CACNA1E: variants seen among roughly 807,000 people sequenced by gnomAD.
CACNA1E encodes calcium voltage-gated channel subunit alpha1 E.
A neutral mutation model predicts 259.2 loss-of-function variants in CACNA1E; 40 were observed. That is an observed-to-expected ratio of 0.15 (90% confidence interval 0.12 to 0.20). The LOEUF (loss-of-function observed/expected upper bound fraction) is 0.20, where lower values mean the gene tolerates loss of function less well. Ranked by LOEUF, CACNA1E falls within the 10% of genes least tolerant of loss-of-function variation. The pLI is 1.00. For missense variants in CACNA1E, 1,874 were observed against 3,040.1 expected (o/e 0.62, Z 9.02); for synonymous variants, 1,104 against 1,138.5 (o/e 0.97, Z 0.61).
chr1:181,322,719 T>G (rs1347619370), intron 1 of CACNA1E, among the ~76,000 whole-genome samples: 1 of 152,226 alleles, frequency 6.6e-6, no homozygotes, highest in African/African-American at 2.4e-5. Flanking sequence ...GTTCATGTGT[T>G]ATTGCTGTGG....
At position 181,794,829 on chromosome 1, in the gene CACNA1E, A is replaced by G. The variant is rs751328207; in HGVS notation, c.6028-35A>G. 6 of 1,583,254 alleles carry G rather than the reference A, an allele frequency of 3.8e-6. No individual in the cohort carries two copies. The South Asian group carries it at 6.9e-5, about 18-fold the overall frequency. ...TTTAGATCTTTTCAATCGTTAATCC[A>G]TACCTTGTGTTTCTCTGGGGGCTTG... On this transcript the variant is annotated intron_variant, in intron 45 of 47. Coordinates refer to ENST00000367573, the MANE Select transcript of CACNA1E (RefSeq NM_001205293.3).
intron 1 of CACNA1E, among the ~76,000 whole-genome samples, chr1:181,493,531 G>A (rs1664493894): frequency 6.6e-6 from 1 of 152,060 alleles, no homozygotes; most frequent in Admixed American, 6.5e-5. Flanking sequence ...GCTTCCATTT[G>A]TTCTTTCCCT....
intron 1 of CACNA1E, among the ~76,000 whole-genome samples, chr1:181,492,023 A>G (rs1181678785): frequency 6.6e-6 from 1 of 152,146 alleles, no homozygotes; most frequent in Non-Finnish European, 1.5e-5. Context: ...GGATCATCAC[A>G]TGGGAATTGG....
intron 1 of CACNA1E, among the ~76,000 whole-genome samples, chr1:181,369,872 G>T (rs1379841890): frequency 6.6e-6 from 1 of 152,120 alleles, no homozygotes; most frequent in South Asian, 2.1e-4. Context: ...GTGTCATGGG[G>T]GTTTGAGGTA....
intron 6 of CACNA1E, among the ~76,000 whole-genome samples, chr1:181,647,997 T>G (rs1311793068): frequency 6.6e-6 from 1 of 152,218 alleles, no homozygotes; most frequent in South Asian, 2.1e-4. Flanking sequence ...TCAGTCATCT[T>G]CAAGAACCCC....
At chr1:181,378,003 A>G (rs573621423) in intron 1 of CACNA1E, among the ~76,000 whole-genome samples, 1 of 152,356 alleles carries the variant, frequency 6.6e-6, no homozygotes, top group African/African-American at 2.4e-5. Context: ...CATTTAGTTA[A>G]TCGGAAATTA....
chr1:181,369,552 C>T (rs938711758), intron 1 of CACNA1E, among the ~76,000 whole-genome samples: 6 of 152,200 alleles, frequency 3.9e-5, no homozygotes, highest in Admixed American at 6.5e-5. Context: ...GTGGGGACCG[C>T]ATACCAGGAG....
rs1652250387 is a variant in CACNA1E, at chr1:181,587,937, ATTC to A, written c.951+7162_951+7164del. ...ATGTACTCTTGAATCTGCTGGACAAATTCAGTCTGTGGAGTAAGTTGAGAAACC... is the reference window on the plus strand; with the variant it reads ...ATGTACTCTTGAATCTGCTGGACAAAAGTCTGTGGAGTAAGTTGAGAAACC... On this transcript the variant is annotated intron_variant, in intron 6 of 47. Coordinates refer to ENST00000367573, the MANE Select transcript of CACNA1E (RefSeq NM_001205293.3). 2.0e-5 allele frequency among the ~76,000 whole-genome samples: 3 copies of A among 152,346 alleles called. No individual in the cohort carries two copies. The South Asian group carries it at 6.2e-4, about 32-fold the overall frequency.
intron 11 of CACNA1E, 28 bp downstream of exon 11, chr1:181,717,330 C>G: frequency 6.3e-7 from 1 of 1,579,370 alleles, no homozygotes; most frequent in South Asian, 1.1e-5. Flanking sequence ...CTAAAGCCTC[C>G]TCTGCTGGTC....
intron 1 of CACNA1E, among the ~76,000 whole-genome samples, chr1:181,390,646 G>A (rs193024105): frequency 1.3e-5 from 2 of 152,262 alleles, no homozygotes; most frequent in East Asian, 3.9e-4. Flanking sequence ...CGAGGCTTGA[G>A]CCTGAAATCT....
In CACNA1E at chr1:181,580,548, G is replaced by A. The variant is rs369243894; in HGVS notation, c.770-47G>A. ...CTTCCTGGGGTCATTTCCAGCTCAT[G>A]CGAAACACCATGTGATTTATCTCCT... On this transcript the variant is annotated intron_variant, in intron 5 of 47. Coordinates refer to ENST00000367573, the MANE Select transcript of CACNA1E (RefSeq NM_001205293.3). 2.6e-3 allele frequency: 4,103 copies of A among 1,577,932 alleles called. 14 individuals carry two copies. The highest frequency in any genetic ancestry group is 3.2e-3 in the Non-Finnish European group (3,719 of 1,147,714).
At chr1:181,476,576 C>G (rs1385850120) in intron 2 of CACNA1E, among the ~76,000 whole-genome samples, 3 of 152,216 alleles carry the variant, frequency 2.0e-5, no homozygotes, top group Non-Finnish European at 4.4e-5. Flanking sequence ...CGAATCCAAC[C>G]TGGGCACCTT....
chr1:181,472,021 A>G (rs978464144), intron 2 of CACNA1E, among the ~76,000 whole-genome samples: 4 of 152,174 alleles, frequency 2.6e-5, no homozygotes, highest in African/African-American at 7.2e-5. Flanking sequence ...CGATGGATGA[A>G]TGGATAAAGA....
At chr1:181,361,804 T>A (rs1320587820) in intron 1 of CACNA1E, among the ~76,000 whole-genome samples, 1 of 152,222 alleles carries the variant, frequency 6.6e-6, no homozygotes, top group Non-Finnish European at 1.5e-5. Flanking sequence ...TGAATAGCTT[T>A]GGGCAAATTA....
rs1310518275 is a variant in CACNA1E at position 181,721,839 on chromosome 1, G to A, written c.2038G>A (p.Ala680Thr). 5.0e-6 allele frequency: 8 copies of A among 1,612,844 alleles called. No individual in the cohort carries two copies. Among genetic ancestry groups the A allele is most frequent in the Non-Finnish European group, 6.8e-6 (8 of 1,178,984 alleles). Reference sequence around the variant, plus strand: ...TGGGGTCAGCTCAGGCATGTGGTCTGCCATCTACTTCATTGTGCTCACCTT... The same window carrying A: ...TGGGGTCAGCTCAGGCATGTGGTCTACCATCTACTTCATTGTGCTCACCTT... ...QGGVSSGMWS[A>T]IYFIVLTLFG... Residue 680 changes from alanine (A) to threonine (T), a missense_variant, in exon 16 of 48, where the codon GCC becomes ACC. Coordinates refer to ENST00000367573, the MANE Select transcript of CACNA1E (RefSeq NM_001205293.3).
intron 3 of CACNA1E, among the ~76,000 whole-genome samples, chr1:181,560,699 A>T (rs988706806): frequency 1.7e-4 from 26 of 152,208 alleles, no homozygotes; most frequent in African/African-American, 6.3e-4. Context: ...TGAACCATAA[A>T]AATTAAACCA....
At chr1:181,531,599 C>T (rs532270911) in intron 3 of CACNA1E, among the ~76,000 whole-genome samples, 11 of 152,318 alleles carry the variant, frequency 7.2e-5, no homozygotes, top group African/African-American at 1.4e-4. Flanking sequence ...GCCCAGCTTA[C>T]GCCTTATCGT....
chr1:181,457,075 A>G (rs150195590), intron 2 of CACNA1E, among the ~76,000 whole-genome samples: 30 of 152,352 alleles, frequency 2.0e-4, no homozygotes, highest in African/African-American at 4.1e-4. Context: ...GCTTGTAACA[A>G]CAGAAATTTA....
chr1:181,338,312 T>C (rs4652650), intron 1 of CACNA1E, among the ~76,000 whole-genome samples: 94,630 of 151,932 alleles, frequency 0.62, 29,965 homozygotes, highest in African/African-American at 0.67. Context: ...TCTTGAACTC[T>C]TGCCTCAAGT....
Sources: gnomAD v4.1 joint callset for allele counts (sites outside exome capture counted in the v4.1 genomes callset) on GRCh38, gnomAD v4.1.1 for gene constraint, MANE v1.5 for transcripts, NCBI Gene and HGNC (gene_info 2026-07-23, HGNC 2026-07-21) for gene names.